SAMD4A: variants seen among roughly 807,000 people sequenced by gnomAD.
The protein encoded by SAMD4A is protein Smaug homolog 1.
In SAMD4A, 33 loss-of-function variants were observed where a neutral mutation model predicts 81.3. The ratio of observed to expected loss-of-function variants is 0.41; its 90% CI spans 0.31 to 0.54. SAMD4A has a LOEUF of 0.54. Among genes scored for constraint, SAMD4A ranks in the 20% least tolerant of loss-of-function variants. The probability of loss-of-function intolerance (pLI) is 0.37; values close to 1 mark genes in which losing one functional copy is unlikely to be tolerated. For synonymous variants in SAMD4A, 389 were observed against 382.1 expected (o/e 1.02, Z -0.21); for missense variants, 854 against 951.1 (o/e 0.90, Z 1.34).
rs138132170 is a variant in SAMD4A, at chr14:54,749,937, A to G, written c.1089+1013A>G. ...ATTCGGTACCCTCATTTAACCCTGC[A>G]GGCCTGGCGGACTCCCAATATGGAG... On this transcript the variant is annotated intron_variant, in intron 5 of 12. Coordinates refer to ENST00000554335, the MANE Select transcript of SAMD4A (RefSeq NM_015589.6). Among the ~76,000 whole-genome samples, 87 of 152,358 alleles carry G rather than the reference A, an allele frequency of 5.7e-4. 1 individual carries two copies. The highest frequency in any genetic ancestry group is 3.1e-3 in the Admixed American group (47 of 15,308).
chr14:54,648,920 G>A (rs977954599), intron 2 of SAMD4A, among the ~76,000 whole-genome samples: 10 of 152,200 alleles, frequency 6.6e-5, no homozygotes, highest in South Asian at 2.1e-4. Context: ...GCTCAGACAG[G>A]ATAGCAGTGG....
chr14:54,743,508 G>A (rs2037893739), intron 4 of SAMD4A, among the ~76,000 whole-genome samples: 1 of 152,196 alleles, frequency 6.6e-6, no homozygotes, highest in African/African-American at 2.4e-5. Flanking sequence ...AAGCTTTAAG[G>A]ACTGTGCAGG....
intron 2 of SAMD4A, among the ~76,000 whole-genome samples, chr14:54,667,087 A>C (rs905865252): frequency 1.3e-5 from 2 of 152,160 alleles, no homozygotes; most frequent in Admixed American, 6.5e-5. Flanking sequence ...GGATTTAAAT[A>C]GATGCAGAAG....
chr14:54,640,915 C>T (rs1316182140), intron 2 of SAMD4A, among the ~76,000 whole-genome samples: 1 of 152,208 alleles, frequency 6.6e-6, no homozygotes, highest in South Asian at 2.1e-4. Context: ...TCAAGAGTTT[C>T]CTTTTGGTCT....
chr14:54,739,762 C>T (rs2037800364), intron 4 of SAMD4A, among the ~76,000 whole-genome samples: 1 of 152,214 alleles, frequency 6.6e-6, no homozygotes, highest in Non-Finnish European at 1.5e-5. Context: ...AAAACGACTT[C>T]CTATGAGTGC....
rs2032995300 is a variant in SAMD4A, at chr14:54,568,120, T to TGCG, written c.196+14_196+16dup. ...GCGAGGCCAACAGCCCCGGTAAGTGTGCGGCGGCCGCCGCCGCCGTCCCGC... is the reference window on the plus strand; with the variant it reads ...GCGAGGCCAACAGCCCCGGTAAGTGTGCGGCGGCGGCCGCCGCCGCCGTCCCGC... On this transcript the variant is annotated intron_variant, in intron 2 of 12. Coordinates refer to ENST00000554335, the MANE Select transcript of SAMD4A (RefSeq NM_015589.6). 2.0e-6 allele frequency: 3 copies of TGCG among 1,478,064 alleles called. No individual in the cohort carries two copies. The highest frequency in any genetic ancestry group is 1.8e-6 in the Non-Finnish European group (2 of 1,121,846). 91.6% of individuals were successfully genotyped at this position (1,478,064 alleles called of 1,614,324 possible). A position where few individuals can be genotyped will look rare whatever the true frequency, so the allele number is the denominator to read the frequency against.
intron 2 of SAMD4A, among the ~76,000 whole-genome samples, chr14:54,608,787 T>C (rs61975128): frequency 0.26 from 39,696 of 152,064 alleles, 5,334 homozygotes; most frequent in East Asian, 0.4. Context: ...ATCGTAGATA[T>C]AGAGGTGGAA....
chr14:54,594,983 C>T (rs571500798), intron 2 of SAMD4A, among the ~76,000 whole-genome samples: 1 of 152,126 alleles, frequency 6.6e-6, no homozygotes, highest in South Asian at 2.1e-4. Context: ...AAGACAATGA[C>T]ATTTTTGCAA....
intron 6 of SAMD4A, among the ~76,000 whole-genome samples, chr14:54,759,229 T>A (rs1158107634): frequency 1.3e-5 from 2 of 152,188 alleles, no homozygotes; most frequent in Admixed American, 1.3e-4. Flanking sequence ...CTCAAAACCT[T>A]CCCTGGTTTC....
At chr14:54,616,547 C>A (rs1223096159) in intron 2 of SAMD4A, among the ~76,000 whole-genome samples, 1 of 152,082 alleles carries the variant, frequency 6.6e-6, no homozygotes, top group East Asian at 1.9e-4. Flanking sequence ...TGGTTGAGGC[C>A]CCAAGCTGGC....
At chr14:54,755,609 T>G (rs902662005) in intron 6 of SAMD4A, among the ~76,000 whole-genome samples, 3 of 152,132 alleles carry the variant, frequency 2.0e-5, no homozygotes, top group African/African-American at 7.2e-5. Context: ...CACTGTCCTC[T>G]GAAATTGGCC....
Position 54,793,272 on chromosome 14 carries a change from T to C in SAMD4A, c.*4328T>C, listed in dbSNP as rs1195830261. On this transcript the variant is annotated 3_prime_UTR_variant, in exon 13 of 13. Transcript: ENST00000554335. ...GGCTATATTTCATATCAACGTTATA[T>C]TGAAAGTGAAGGGAAATGATTAATA... 3.9e-5 allele frequency: 6 copies of C among 152,168 alleles called. No individual in the cohort carries two copies. Among genetic ancestry groups the C allele is most frequent in the African/African-American group, 1.4e-4 (6 of 41,440 alleles). 9.4% of individuals were successfully genotyped at this position (152,168 alleles called of 1,614,324 possible).
At chr14:54,785,090 A>G (rs2139987325) in intron 12 of SAMD4A, among the ~76,000 whole-genome samples, 1 of 152,366 alleles carries the variant, frequency 6.6e-6, no homozygotes, top group East Asian at 1.9e-4. Context: ...TAATTTTTGA[A>G]AAACAGAAAA....
upstream of SAMD4A, among the ~76,000 whole-genome samples, chr14:54,565,727 C>G (rs2032909155): frequency 6.6e-6 from 1 of 151,976 alleles, no homozygotes; most frequent in Non-Finnish European, 1.5e-5. The surrounding 1 kb of genome is among the most constrained non-coding windows in gnomAD (Gnocchi z 5.4). Context: ...CCCGCCCGAG[C>G]GCCCTCGGGT....
At chr14:54,724,403 A>G (rs974832361) in intron 3 of SAMD4A, among the ~76,000 whole-genome samples, 2 of 152,194 alleles carry the variant, frequency 1.3e-5, no homozygotes, top group Non-Finnish European at 2.9e-5. Flanking sequence ...GGGGGTGGGA[A>G]GAGGGTAATG....
chr14:54,695,660 G>A (rs1015851443), intron 2 of SAMD4A, among the ~76,000 whole-genome samples: 4 of 152,148 alleles, frequency 2.6e-5, no homozygotes, highest in Non-Finnish European at 5.9e-5. Flanking sequence ...CTTGAAAATA[G>A]GGGGAGGGTT....
chr14:54,756,278 T>C (rs891525207), intron 6 of SAMD4A, among the ~76,000 whole-genome samples: 2 of 151,820 alleles, frequency 1.3e-5, no homozygotes, highest in African/African-American at 4.8e-5. Flanking sequence ...CTCGAGTGAG[T>C]CCAAACTCCT....
At chr14:54,788,062 C>A (rs1385899311) in intron 12 of SAMD4A, among the ~76,000 whole-genome samples, 2 of 152,100 alleles carry the variant, frequency 1.3e-5, no homozygotes, top group Non-Finnish European at 2.9e-5. Flanking sequence ...GTAGATGTGG[C>A]AGATTCTGGG....
At chr14:54,710,008 A>G (rs1045832517) in intron 3 of SAMD4A, among the ~76,000 whole-genome samples, 1 of 152,220 alleles carries the variant, frequency 6.6e-6, no homozygotes, top group Non-Finnish European at 1.5e-5. Context: ...TCTGTGCTAC[A>G]GCTACAAATG....
Sources: allele counts gnomAD v4.1 joint callset (sites outside exome capture counted in the v4.1 genomes callset), GRCh38; gene constraint gnomAD v4.1.1; non-coding constraint Gnocchi (gnomAD v3.1); transcripts MANE v1.5; gene names NCBI Gene and HGNC (gene_info 2026-07-23, HGNC 2026-07-21).